Variants in SNX29 observed in about 807,000 individuals in gnomAD.
SNX29 encodes the protein sorting nexin 29, also known as sorting nexin-29.
SNX29 carries 78 observed loss-of-function variants against 102.1 expected under a neutral mutation model. That is an observed-to-expected ratio of 0.76 (90% CI 0.64 to 0.92). SNX29 has a LOEUF of 0.92. Among genes scored for constraint, SNX29 ranks in the 40% least tolerant of loss-of-function variants. The pLI is 0.00. For synonymous variants in SNX29, 580 were observed against 414.5 expected (o/e 1.40, Z -4.85); for missense variants, 1,280 against 1,061.7 (o/e 1.21, Z -2.86).
At chr16:12,003,804 C>T (rs971881550) in intron 3 of SNX29, among the ~76,000 whole-genome samples, 22 of 152,016 alleles carry the variant, frequency 1.4e-4, no homozygotes, top group African/African-American at 1.2e-4. Flanking sequence ...GTCAGGAGTT[C>T]GAGACCAGGC....
intron 11 of SNX29, among the ~76,000 whole-genome samples, chr16:12,082,159 G>A (rs2051930077): frequency 6.6e-6 from 1 of 151,844 alleles, no homozygotes; most frequent in African/African-American, 2.4e-5. Context: ...GACTCTGGCT[G>A]TGAGGCACAG....
intron 13 of SNX29, among the ~76,000 whole-genome samples, chr16:12,154,064 A>G (rs2055423568): frequency 6.6e-6 from 1 of 152,112 alleles, no homozygotes; most frequent in South Asian, 2.1e-4. Flanking sequence ...TTTTATTTTT[A>G]TGGAGTTTGA....
Position 12,069,129 on chromosome 16 carries a change from A to G in SNX29, c.1316A>G (p.Tyr439Cys), listed in dbSNP as rs781447909. Residue 439 changes from tyrosine to cysteine, a missense_variant, in exon 10 of 21, where the codon TAC becomes TGC. Tyr to Cys is a radical substitution (Grantham distance 194, BLOSUM62 -2). Transcript: ENST00000566228. ...GTTCTCCCAGATCCTGGACTTCGGTACAGGTTAATATTGAGAAACCCAGTT... is the reference window on the plus strand; with the variant it reads ...GTTCTCCCAGATCCTGGACTTCGGTGCAGGTTAATATTGAGAAACCCAGTT... Reference protein sequence around the residue: ...DHVLPDPGLRYSVEASSPGHG... With the variant: ...DHVLPDPGLRCSVEASSPGHG... 2.4e-5 allele frequency: 39 copies of G among 1,612,732 alleles called. No homozygotes were observed. The highest frequency in any genetic ancestry group is 1.8e-4 in the South Asian group (16 of 90,974).
At chr16:12,535,739 C>A (rs867484458) in intron 20 of SNX29, among the ~76,000 whole-genome samples, 2 of 152,094 alleles carry the variant, frequency 1.3e-5, no homozygotes, top group African/African-American at 4.8e-5. Flanking sequence ...GGCTTGGTCA[C>A]GCTCGTCTTC....
intron 18 of SNX29, among the ~76,000 whole-genome samples, chr16:12,414,203 A>G (rs769051174): frequency 3.9e-5 from 6 of 152,098 alleles, no homozygotes; most frequent in Non-Finnish European, 8.8e-5. Context: ...CGGAGGGCTG[A>G]CTGTATTAAA....
At chr16:12,426,765 A>C (rs1379705890) in intron 18 of SNX29, among the ~76,000 whole-genome samples, 2 of 152,192 alleles carry the variant, frequency 1.3e-5, no homozygotes, top group African/African-American at 4.8e-5. Flanking sequence ...TCCCGGGTTC[A>C]AGCGATTCTT....
intron 19 of SNX29, among the ~76,000 whole-genome samples, chr16:12,480,632 C>T (rs1397472925): frequency 6.6e-6 from 1 of 152,200 alleles, no homozygotes; most frequent in East Asian, 1.9e-4. Flanking sequence ...GACATTGCTC[C>T]ATGCTTTCTC....
chr16:12,221,967 C>A (rs1279556265), intron 14 of SNX29, among the ~76,000 whole-genome samples: 1 of 152,176 alleles, frequency 6.6e-6, no homozygotes, highest in Non-Finnish European at 1.5e-5. Context: ...GTGAGCTCTC[C>A]CTTCTCCCTG....
chr16:12,229,746 C>T (rs142603800), intron 14 of SNX29, among the ~76,000 whole-genome samples: 2 of 152,060 alleles, frequency 1.3e-5, no homozygotes, highest in Non-Finnish European at 2.9e-5. Context: ...TGCCTTCAGC[C>T]AAGTCAAAAG....
chr16:12,449,142 G>T (rs1366552508), intron 18 of SNX29, among the ~76,000 whole-genome samples: 1 of 152,116 alleles, frequency 6.6e-6, no homozygotes. Context: ...GGTGGTTAGG[G>T]AAGGCAGGCA....
chr16:12,202,444 T>C (rs1375541340), intron 14 of SNX29, among the ~76,000 whole-genome samples: 1 of 152,228 alleles, frequency 6.6e-6, no homozygotes, highest in Non-Finnish European at 1.5e-5. Context: ...AGTTTACACT[T>C]TTATTTGCGC....
chr16:12,165,893 G>A (rs1208680389), intron 13 of SNX29, among the ~76,000 whole-genome samples: 1 of 152,234 alleles, frequency 6.6e-6, no homozygotes, highest in Non-Finnish European at 1.5e-5. Flanking sequence ...ACTGATGAGA[G>A]TCAGCCAGCT....
chr16:12,167,265 T>C (rs1047202316), intron 13 of SNX29, among the ~76,000 whole-genome samples: 1 of 152,214 alleles, frequency 6.6e-6, no homozygotes, highest in Non-Finnish European at 1.5e-5. Context: ...GGCCCAGAGC[T>C]GGAGTCACCT....
chr16:12,036,581 G>C (rs1350035591), intron 4 of SNX29, among the ~76,000 whole-genome samples: 2 of 152,124 alleles, frequency 1.3e-5, no homozygotes, highest in Non-Finnish European at 2.9e-5. Flanking sequence ...TGATCCACCT[G>C]CCTCGGCCTC....
At chr16:12,533,052 A>G (rs2076974406) in intron 20 of SNX29, among the ~76,000 whole-genome samples, 1 of 152,046 alleles carries the variant, frequency 6.6e-6, no homozygotes, top group African/African-American at 2.4e-5. Flanking sequence ...AGGAAGGGGA[A>G]ACGATGGTGC....
At chr16:12,463,813 A>AGTGTGT (rs1272179302) in intron 18 of SNX29, among the ~76,000 whole-genome samples, 8 of 118,692 alleles carry the variant, frequency 6.7e-5, no homozygotes, top group Non-Finnish European at 7.4e-5. Flanking sequence ...CACCTCCCGA[A>AGTGTGT]GTGAGTGTGT....
chr16:12,446,286 C>G (rs943692628), intron 18 of SNX29, among the ~76,000 whole-genome samples: 1 of 152,150 alleles, frequency 6.6e-6, no homozygotes, highest in Admixed American at 6.5e-5. Context: ...GAACTCCTGA[C>G]CTCAAGTGAT....
chr16:12,014,266 T>C (rs2056774662), intron 3 of SNX29, among the ~76,000 whole-genome samples: 1 of 152,062 alleles, frequency 6.6e-6, no homozygotes, highest in African/African-American at 2.4e-5. Context: ...ATTCTCTTTT[T>C]CCGTTTTGAT....
intron 18 of SNX29, among the ~76,000 whole-genome samples, chr16:12,421,894 T>C (rs892417549): frequency 7.4e-6 from 1 of 135,770 alleles, no homozygotes; most frequent in Non-Finnish European, 1.7e-5. Context: ...TCACCAGCCG[T>C]CCATCACCAT....
Sources: allele counts gnomAD v4.1 joint callset (sites outside exome capture counted in the v4.1 genomes callset), GRCh38; gene constraint gnomAD v4.1.1; transcripts MANE v1.5; gene names NCBI Gene and HGNC (gene_info 2026-07-23, HGNC 2026-07-21).